Variants in FBRSL1 observed in about 807,000 individuals in gnomAD.
The protein encoded by FBRSL1 is fibrosin like 1.
In FBRSL1, 51 loss-of-function variants were observed where a neutral mutation model predicts 89.6. The ratio of observed to expected loss-of-function variants is 0.57; its 90% CI spans 0.45 to 0.72. FBRSL1 has a LOEUF of 0.72. Among genes scored for constraint, FBRSL1 ranks in the 30% least tolerant of loss-of-function variants. The pLI, the probability that FBRSL1 is intolerant of heterozygous loss-of-function variation, is 0.00. For missense variants in FBRSL1, 1,618 were observed against 1,451.8 expected (o/e 1.11, Z -1.86); for synonymous variants, 779 against 681.1 (o/e 1.14, Z -2.24).
rs563946714 is a variant in FBRSL1, at chr12:132,580,175, C to T, written c.1835-1264C>T. Among the ~76,000 whole-genome samples, 795 of 152,322 alleles carry T rather than the reference C, an allele frequency of 5.2e-3. 11 individuals are homozygous for T. Among genetic ancestry groups the T allele is most frequent in the African/African-American group, 0.018 (728 of 41,570 alleles). On this transcript the variant is annotated intron_variant, in intron 15 of 18. Transcript: ENST00000680143. ...CGATCTTGGCTCACTGCGACCTCCA[C>T]CTCCCGGGTTCAAGCGATTCTCCTG...
At chr12:132,502,859 G>C (rs1468631387) in intron 1 of FBRSL1, among the ~76,000 whole-genome samples, 2 of 127,006 alleles carry the variant, frequency 1.6e-5, no homozygotes, top group East Asian at 5.2e-4. Flanking sequence ...GCCCCCTCCT[G>C]TTCTCACCCT....
rs996187406 is a variant in FBRSL1, at chr12:132,583,151, C to G, written c.2382C>G (p.Ala794=). The stretch of plus-strand genomic sequence containing the variant: ...GCTCCCCGGCCAAGGAGGAGGCCGC[C>G]AAGATGCCCGCGCGCGCATCCCCGC... ...ESRSPAKEEA[A]KMPARASPPH... The change falls in exon 19 of 19, where the codon GCC becomes GCG. Residue 794 remains alanine, a synonymous_variant. Coordinates refer to ENST00000680143, the MANE Select transcript of FBRSL1 (RefSeq NM_001367871.1). 1.4e-4 allele frequency: 206 copies of G among 1,463,736 alleles called. No homozygotes were observed. The highest frequency in any genetic ancestry group is 1.8e-4 in the Non-Finnish European group (200 of 1,112,278). The allele number at this position is 1,463,736 out of a possible 1,614,324, so 90.7% of individuals were successfully genotyped here. A position where few individuals can be genotyped will look rare whatever the true frequency, so the allele number is the denominator to read the frequency against.
intron 5 of FBRSL1, among the ~76,000 whole-genome samples, chr12:132,561,021 G>A (rs998757838): frequency 1.3e-5 from 2 of 152,244 alleles, no homozygotes; most frequent in Admixed American, 6.5e-5. Flanking sequence ...CAGCTGCTGT[G>A]TGTGGTCTAG....
chr12:132,583,375 CCCCCGCCCCGGG>C lies in FBRSL1; in HGVS notation c.2608_2619del (p.Pro870_Gly873del). On this transcript the variant is annotated inframe_deletion, in exon 19 of 19. Coordinates refer to ENST00000680143, the MANE Select transcript of FBRSL1 (RefSeq NM_001367871.1). Reference sequence around the variant, plus strand: ...CCACGTCGCGCCTTCCCCGCTGCCGCCCCCGCCCCGGGCTCCGCCGCCCTCTTGGAGCCCCCG... The same window carrying C: ...CCACGTCGCGCCTTCCCCGCTGCCGCCTCCGCCGCCCTCTTGGAGCCCCCG... 1 of 1,100,004 alleles carries C rather than the reference CCCCCGCCCCGGG, an allele frequency of 9.1e-7. No homozygotes were observed. The highest frequency in any genetic ancestry group is 1.1e-6 in the Non-Finnish European group (1 of 902,520). 68.1% of individuals were successfully genotyped at this position (1,100,004 alleles called of 1,614,324 possible). A position where few individuals can be genotyped will look rare whatever the true frequency, so the allele number is the denominator to read the frequency against.
intron 6 of FBRSL1, among the ~76,000 whole-genome samples, chr12:132,568,322 A>T (rs983056625): frequency 6.6e-6 from 1 of 152,260 alleles, no homozygotes; most frequent in African/African-American, 2.4e-5. Context: ...GGCCCTGCCA[A>T]TGCCGGCAAG....
Position 132,509,930 on chromosome 12 carries a change from T to G in FBRSL1, c.489+1580T>G. The stretch of plus-strand genomic sequence containing the variant: ...CCCGGCGGGCCTTCCTAGCCCCGTG[T>G]CAGTACGGCCAGCCCCGAAGGTCCC... On this transcript the variant is annotated intron_variant, in intron 2 of 18. Coordinates refer to ENST00000680143, the MANE Select transcript of FBRSL1 (RefSeq NM_001367871.1). 4.9e-6 allele frequency: 6 copies of G among 1,230,670 alleles called. No homozygotes were observed. The South Asian group carries it at 2.5e-4, about 51-fold the overall frequency. 76.2% of individuals were successfully genotyped at this position (1,230,670 alleles called of 1,614,324 possible). A position where few individuals can be genotyped will look rare whatever the true frequency, so the allele number is the denominator to read the frequency against.
intron 4 of FBRSL1, among the ~76,000 whole-genome samples, chr12:132,538,178 G>A (rs1026354809): frequency 2.0e-5 from 3 of 152,182 alleles, no homozygotes; most frequent in Admixed American, 6.5e-5. Flanking sequence ...GTCCTGAGAC[G>A]GAAGGGGCCT....
chr12:132,548,558 C>T (rs2037886127), intron 5 of FBRSL1, among the ~76,000 whole-genome samples: 1 of 152,232 alleles, frequency 6.6e-6, no homozygotes, highest in Non-Finnish European at 1.5e-5. Flanking sequence ...ACCCCCCGGG[C>T]AGCCCCTGAG....
At chr12:132,531,162 A>G (rs1292856299) in intron 4 of FBRSL1, among the ~76,000 whole-genome samples, 1 of 152,116 alleles carries the variant, frequency 6.6e-6, no homozygotes, top group Non-Finnish European at 1.5e-5. Flanking sequence ...AACCGGTCCC[A>G]TGGGACGCAT....
intron 5 of FBRSL1, among the ~76,000 whole-genome samples, 175 bp downstream of exon 5, chr12:132,548,207 C>G (rs1443163405): frequency 2.0e-5 from 3 of 152,180 alleles, no homozygotes; most frequent in African/African-American, 7.2e-5. Flanking sequence ...GCTGGCCTCT[C>G]CTGGCTGTGG....
chr12:132,490,441 C>G lies in FBRSL1; in HGVS notation c.-130C>G. ...ATGCCCGGCCCGGCCCGCCGCCCGC[C>G]GCCGCCCAGGGCCCGAGCCCGCGCG... is the stretch of plus-strand genomic sequence containing the variant. On this transcript the variant is annotated 5_prime_UTR_variant, in exon 1 of 19. Transcript: ENST00000680143. 1.6e-6 allele frequency: 1 copy of G among 628,430 alleles called. No homozygotes were observed. 38.9% of individuals were successfully genotyped at this position (628,430 alleles called of 1,614,324 possible). A position where few individuals can be genotyped will look rare whatever the true frequency, so the allele number is the denominator to read the frequency against.
At chr12:132,580,206 G>A (rs2040650453) in intron 15 of FBRSL1, among the ~76,000 whole-genome samples, 1 of 152,174 alleles carries the variant, frequency 6.6e-6, no homozygotes, top group African/African-American at 2.4e-5. Flanking sequence ...TCCTGCCTCA[G>A]CCTCCCAAGT....
chr12:132,512,992 G>A (rs1396583822), intron 2 of FBRSL1, among the ~76,000 whole-genome samples: 1 of 152,260 alleles, frequency 6.6e-6, no homozygotes, highest in Non-Finnish European at 1.5e-5. Flanking sequence ...AGGGCGCTAT[G>A]GTGCTGGACA....
intron 1 of FBRSL1, among the ~76,000 whole-genome samples, chr12:132,502,743 GCCTGTCCCCGCCCCCT>G (rs1176293011): frequency 5.8e-5 from 7 of 120,354 alleles, no homozygotes; most frequent in South Asian, 2.7e-4. Context: ...CCCCATGCCT[GCCTGTCCCCGCCCCCT>G]CCTGTCCCCG....
intron 2 of FBRSL1, among the ~76,000 whole-genome samples, chr12:132,522,932 G>C (rs1215595255): frequency 6.6e-6 from 1 of 152,216 alleles, no homozygotes. Context: ...CACTCTAGGG[G>C]GGGCAGGGGC....
At chr12:132,578,843 C>A (rs974966109) in intron 15 of FBRSL1, among the ~76,000 whole-genome samples, 18 of 152,262 alleles carry the variant, frequency 1.2e-4, no homozygotes, top group African/African-American at 4.3e-4. Context: ...TGGGCGTGCC[C>A]AGCAGCCACA....
Position 132,577,048 on chromosome 12 carries a change from C to G in FBRSL1, c.1834+117C>G, listed in dbSNP as rs985499993. The G allele has an allele frequency of 1.6e-5, 22 of 1,340,018 alleles. No homozygotes were observed. The African/African-American group carries it at 2.9e-4, about 18-fold the overall frequency. The allele number at this position is 1,340,018 out of a possible 1,614,324, so 83.0% of individuals were successfully genotyped here. On this transcript the variant is annotated intron_variant, in intron 15 of 18. Coordinates refer to ENST00000680143, the MANE Select transcript of FBRSL1 (RefSeq NM_001367871.1). ...CTCTGGACCGCAGCACCAGCCTTTG[C>G]TTCTTGATGCTCACCACTTATTCAG...
chr12:132,510,405 G>A (rs1215668517), intron 2 of FBRSL1: 4 of 1,231,930 alleles, frequency 3.2e-6, no homozygotes, highest in South Asian at 4.1e-5. Flanking sequence ...CTGTGCCCCC[G>A]GGATGGCCCG....
In FBRSL1 at chr12:132,571,225, G is replaced by A; in HGVS notation, c.1371G>A (p.Glu457=). 2 of 1,457,010 alleles carry A rather than the reference G, an allele frequency of 1.4e-6. No individual in the cohort carries two copies. Among genetic ancestry groups the A allele is most frequent in the Non-Finnish European group, 1.8e-6 (2 of 1,097,202 alleles). 90.3% of individuals were successfully genotyped at this position (1,457,010 alleles called of 1,614,324 possible). Residue 457 remains glutamate, a synonymous_variant, in exon 9 of 19, where the codon GAG becomes GAA. Transcript: ENST00000680143. The stretch of plus-strand genomic sequence containing the variant: ...CCGGCTTGGCCTGCCGACCCCGGGA[G>A]TGCCAGGTGACTATCCGCCTCGCCC... ...GHPGLACRPR[E]CQFDKYAPKL...
Sources: gnomAD v4.1 joint callset for allele counts (sites outside exome capture counted in the v4.1 genomes callset) on GRCh38, gnomAD v4.1.1 for gene constraint, MANE v1.5 for transcripts, NCBI Gene and HGNC (gene_info 2026-07-23, HGNC 2026-07-21) for gene names.